The following TRPS1 variants were observed in gnomAD, a reference collection of about 807,000 sequenced individuals.
TRPS1 encodes zinc finger transcription factor Trps1.
Under a neutral mutation model 101.2 loss-of-function variants are expected in TRPS1, and 6 were observed. That is an observed-to-expected ratio of 0.06 (90% confidence interval 0.03 to 0.12). TRPS1 has a LOEUF of 0.12. Among genes scored for constraint, TRPS1 ranks in the 10% least tolerant of loss-of-function variants. The pLI, the probability that TRPS1 is intolerant of heterozygous loss-of-function variation, is 1.00. For synonymous variants in TRPS1, 578 were observed against 589.8 expected, an observed-to-expected ratio of 0.98 and a Z score of 0.29; for missense variants, 1,363 against 1,567.0, an observed-to-expected ratio of 0.87 and a Z score of 2.20.
chr8:115,584,760 T>C (rs980313739), intron 5 of TRPS1, among the ~76,000 whole-genome samples: 2 of 152,014 alleles, frequency 1.3e-5, no homozygotes, highest in Non-Finnish European at 2.9e-5. Context: ...GGGCTGTTTC[T>C]TAATTCTGTT....
chr8:115,494,436 G>A (rs1438305930), intron 5 of TRPS1, among the ~76,000 whole-genome samples: 3 of 152,182 alleles, frequency 2.0e-5, no homozygotes, highest in East Asian at 1.9e-4. Flanking sequence ...AAAGCAAGTC[G>A]AGAGGAGGCA....
intron 5 of TRPS1, among the ~76,000 whole-genome samples, chr8:115,535,757 A>T (rs1175025038): frequency 6.6e-6 from 1 of 151,286 alleles, no homozygotes; most frequent in East Asian, 1.9e-4. Flanking sequence ...ATACATGTAT[A>T]TGTGTATATA....
Position 115,492,333 on chromosome 8 carries a change from A to G in TRPS1, c.2701-73881T>C, listed in dbSNP as rs1203598263. 1.3e-5 allele frequency: 6 copies of G among 447,880 alleles called. No individual in the cohort carries two copies. The Admixed American group carries it at 1.4e-4, about 11-fold the overall frequency. 27.7% of individuals were successfully genotyped at this position (447,880 alleles called of 1,614,324 possible). ...TTTCAGGAGTTAATTAGAGAGGCAG[A>G]TAATTTTGCAGGAACAGACAGGGTT... On this transcript the variant is annotated intron_variant, in intron 5 of 6. Transcript: ENST00000395715.
intron 5 of TRPS1, among the ~76,000 whole-genome samples, chr8:115,562,894 G>C (rs1042834909): frequency 6.0e-5 from 9 of 150,742 alleles, no homozygotes; most frequent in African/African-American, 2.2e-4. Context: ...GTGTGTGTGT[G>C]TGTGTGTGTG....
At chr8:115,666,722 G>T (rs1211217155) in intron 1 of TRPS1, among the ~76,000 whole-genome samples, 4 of 152,236 alleles carry the variant, frequency 2.6e-5, no homozygotes, top group African/African-American at 9.6e-5. Flanking sequence ...GGACTTTGAA[G>T]AATTGTTGGA....
intron 5 of TRPS1, among the ~76,000 whole-genome samples, chr8:115,548,125 T>G (rs1563594094): frequency 6.6e-6 from 1 of 151,326 alleles, no homozygotes. Flanking sequence ...GCCCAGCTAC[T>G]CAGGAGGCTA....
intron 5 of TRPS1, among the ~76,000 whole-genome samples, chr8:115,476,430 G>T (rs1012851115): frequency 5.9e-5 from 9 of 152,130 alleles, no homozygotes; most frequent in Non-Finnish European, 1.3e-4. Context: ...CTCAAATTGG[G>T]ACTAGTAATT....
intron 5 of TRPS1, among the ~76,000 whole-genome samples, chr8:115,573,365 T>A (rs1817248417): frequency 6.6e-6 from 1 of 152,176 alleles, no homozygotes; most frequent in South Asian, 2.1e-4. Context: ...TGCCCATAGT[T>A]AGTCTTTATC....
At chr8:115,628,928 A>G (rs895260451) in intron 1 of TRPS1, among the ~76,000 whole-genome samples, 2 of 151,896 alleles carry the variant, frequency 1.3e-5, no homozygotes, top group South Asian at 4.1e-4. Context: ...CACAATGTAC[A>G]TTAGCGTTTA....
rs1816264546 is a variant in TRPS1 at position 115,535,227 on chromosome 8, T to TACATATAGC, written c.2700+51773_2700+51774insGCTATATGT. ...GCATATGTATAGCATATATAGCATATATATATAGCATATATAGCATATATA... is the reference window on the plus strand; with the variant it reads ...GCATATGTATAGCATATATAGCATATACATATAGCATATATAGCATATATAGCATATATA... On this transcript the variant is annotated intron_variant, in intron 5 of 6. Transcript: ENST00000395715. Among the ~76,000 whole-genome samples, 3 of 118,836 alleles carry TACATATAGC rather than the reference T, an allele frequency of 2.5e-5. No homozygotes were observed. The South Asian group carries it at 8.4e-4, about 33-fold the overall frequency. 78.0% of individuals were successfully genotyped at this position (118,836 alleles called of 152,430 possible). A position where few individuals can be genotyped will look rare whatever the true frequency, so the allele number is the denominator to read the frequency against.
intron 5 of TRPS1, among the ~76,000 whole-genome samples, chr8:115,486,773 A>G (rs1814890734): frequency 6.6e-6 from 1 of 152,222 alleles, no homozygotes; most frequent in African/African-American, 2.4e-5. Context: ...GAAGCTGCAG[A>G]AGAAAAATCT....
At chr8:115,602,393 C>T (rs1006970851) in intron 4 of TRPS1, among the ~76,000 whole-genome samples, 5 of 152,160 alleles carry the variant, frequency 3.3e-5, no homozygotes, top group African/African-American at 1.2e-4. Context: ...CTGCGAGCCT[C>T]AGAAATAAAT....
chr8:115,449,956 AACACACAC>A (rs61176190), intron 5 of TRPS1, among the ~76,000 whole-genome samples: 27 of 147,016 alleles, frequency 1.8e-4, no homozygotes, highest in South Asian at 4.3e-4. Flanking sequence ...TATGTGATTT[AACACACAC>A]ACACACACAC....
chr8:115,592,095 G>C (rs1817691261), intron 4 of TRPS1, among the ~76,000 whole-genome samples: 1 of 152,118 alleles, frequency 6.6e-6, no homozygotes, highest in South Asian at 2.1e-4. Context: ...TTCTAACAGA[G>C]AAAAAAGAAA....
At chr8:115,487,637 T>A (rs1814917020) in intron 5 of TRPS1, among the ~76,000 whole-genome samples, 1 of 152,166 alleles carries the variant, frequency 6.6e-6, no homozygotes, top group South Asian at 2.1e-4. Flanking sequence ...AGAATGACTT[T>A]GAGGATTTTA....
intron 5 of TRPS1, among the ~76,000 whole-genome samples, chr8:115,557,712 C>T (rs1353646345): frequency 6.6e-6 from 1 of 152,094 alleles, no homozygotes; most frequent in African/African-American, 2.4e-5. Context: ...TGCAAATTAC[C>T]CAGTCTTGGA....
rs1812797636 is a variant in TRPS1 at position 115,411,866 on chromosome 8, T to A, written c.*2157A>T. 6.6e-6 allele frequency: 1 copy of A among 152,316 alleles called. No individual in the cohort carries two copies. Among genetic ancestry groups the A allele is most frequent in the Non-Finnish European group, 1.5e-5 (1 of 67,992 alleles). The allele number at this position is 152,316 out of a possible 1,614,324, so 9.4% of individuals were successfully genotyped here. Reference sequence around the variant, plus strand: ...ACACAACATCAGAAAGACATTTTTTTAACTTCATTCGCTACAACAGTCACG... The same window carrying A: ...ACACAACATCAGAAAGACATTTTTTAAACTTCATTCGCTACAACAGTCACG... On this transcript the variant is annotated 3_prime_UTR_variant, in exon 7 of 7. Transcript: ENST00000395715.
chr8:115,552,068 CCAGCGA>C (rs1816717028), intron 5 of TRPS1, among the ~76,000 whole-genome samples: 1 of 152,116 alleles, frequency 6.6e-6, no homozygotes, highest in South Asian at 2.1e-4. Context: ...AGCATACTCC[CCAGCGA>C]CATGTTCAAT....
chr8:115,551,339 G>T (rs1354549026), intron 5 of TRPS1, among the ~76,000 whole-genome samples: 1 of 152,142 alleles, frequency 6.6e-6, no homozygotes. Flanking sequence ...GTGCTAAAAA[G>T]TTTGAATTGT....
Sources: gnomAD v4.1 joint callset for allele counts (sites outside exome capture counted in the v4.1 genomes callset) on GRCh38, gnomAD v4.1.1 for gene constraint, MANE v1.5 for transcripts, NCBI Gene and HGNC (gene_info 2026-07-23, HGNC 2026-07-21) for gene names.